Variants in CSMD1 observed in about 807,000 individuals in gnomAD.
The protein encoded by CSMD1 is CUB and sushi domain-containing protein 1.
In CSMD1, 213 loss-of-function variants were observed where a neutral mutation model predicts 417.5. The observed-to-expected ratio is 0.51, with a 90% CI of 0.46 to 0.57. The LOEUF is 0.57. Among genes scored for constraint, CSMD1 ranks in the 20% least tolerant of loss-of-function variants. CSMD1 has a pLI of 0.00. For synonymous variants in CSMD1, 2,862 were observed against 1,736.8 expected (o/e 1.65, Z -16.11); for missense variants, 6,923 against 4,529.7 (o/e 1.53, Z -15.17).
chr8:3,247,752 A>G (rs1204362345), intron 26 of CSMD1, among the ~76,000 whole-genome samples: 2 of 152,194 alleles, frequency 1.3e-5, no homozygotes, highest in African/African-American at 4.8e-5. Context: ...ATGTTACACT[A>G]AAAAAACAAA....
At chr8:3,328,430 A>G (rs1484244657) in intron 23 of CSMD1, among the ~76,000 whole-genome samples, 2 of 152,192 alleles carry the variant, frequency 1.3e-5, no homozygotes, top group Admixed American at 6.5e-5. Context: ...TGGGCACCCA[A>G]TGCTAAATAT....
intron 11 of CSMD1, among the ~76,000 whole-genome samples, chr8:3,475,581 A>G (rs1471095430): frequency 6.6e-6 from 1 of 152,202 alleles, no homozygotes; most frequent in Non-Finnish European, 1.5e-5. Context: ...CATCTATGAA[A>G]CAAGAGAATT....
intron 3 of CSMD1, among the ~76,000 whole-genome samples, chr8:4,090,669 C>T (rs765713217): frequency 1.3e-5 from 2 of 152,174 alleles, no homozygotes; most frequent in Non-Finnish European, 2.9e-5. Context: ...AAAGAAAGCA[C>T]ATCAATTTCC....
intron 12 of CSMD1, among the ~76,000 whole-genome samples, chr8:3,434,963 G>T (rs530790962): frequency 6.6e-6 from 1 of 152,238 alleles, no homozygotes; most frequent in Non-Finnish European, 1.5e-5. Flanking sequence ...GTTCACAGTG[G>T]ATCCATTTAT....
intron 49 of CSMD1, among the ~76,000 whole-genome samples, chr8:3,080,641 G>A (rs1301084713): frequency 6.6e-6 from 1 of 152,152 alleles, no homozygotes; most frequent in African/African-American, 2.4e-5. Flanking sequence ...CCCACAATTC[G>A]GGATGGGTTT....
chr8:4,129,386 C>T (rs147216017), intron 3 of CSMD1, among the ~76,000 whole-genome samples: 4 of 152,098 alleles, frequency 2.6e-5, no homozygotes, highest in Admixed American at 2.6e-4. Flanking sequence ...ACCTCCACCC[C>T]CAACACACCA....
At chr8:4,876,263 T>C (rs370049193) in intron 1 of CSMD1, among the ~76,000 whole-genome samples, 5 of 152,184 alleles carry the variant, frequency 3.3e-5, no homozygotes, top group Admixed American at 2.6e-4. Context: ...TTACCCTCCA[T>C]GACAATTCAT....
intron 2 of CSMD1, among the ~76,000 whole-genome samples, chr8:4,505,770 T>A (rs1802490996): frequency 6.6e-6 from 1 of 152,110 alleles, no homozygotes; most frequent in Non-Finnish European, 1.5e-5. Flanking sequence ...TAAGTTTTGT[T>A]CTTACCAACA....
At chr8:4,844,002 A>G (rs1396815833) in intron 1 of CSMD1, among the ~76,000 whole-genome samples, 2 of 152,188 alleles carry the variant, frequency 1.3e-5, no homozygotes, top group Non-Finnish European at 2.9e-5. Context: ...ATTGTGAGAC[A>G]TTTGAGAAGG....
intron 6 of CSMD1, among the ~76,000 whole-genome samples, chr8:3,749,477 G>A (rs1797218834): frequency 6.6e-6 from 1 of 152,166 alleles, no homozygotes; most frequent in Non-Finnish European, 1.5e-5. Context: ...AGTCAAAGAA[G>A]AAAGTGTAAG....
intron 7 of CSMD1, among the ~76,000 whole-genome samples, chr8:3,662,742 G>C (rs1444614049): frequency 6.6e-6 from 1 of 152,036 alleles, no homozygotes; most frequent in Non-Finnish European, 1.5e-5. Context: ...CACAGGAACA[G>C]AAAACCAAAC....
intron 2 of CSMD1, among the ~76,000 whole-genome samples, chr8:4,552,645 T>A (rs1345475016): frequency 1.3e-5 from 2 of 152,148 alleles, no homozygotes; most frequent in African/African-American, 4.8e-5. Flanking sequence ...GAAAGCTGTT[T>A]TCTGAGGTAC....
intron 26 of CSMD1, among the ~76,000 whole-genome samples, chr8:3,233,339 C>T (rs80303885): frequency 0.072 from 10,892 of 152,256 alleles, 618 homozygotes; most frequent in South Asian, 0.22. Flanking sequence ...CTCAGCCCCT[C>T]GCCAGGCGAT....
chr8:3,848,462 G>C (rs1563141808), intron 5 of CSMD1, among the ~76,000 whole-genome samples: 2 of 151,930 alleles, frequency 1.3e-5, no homozygotes, highest in Admixed American at 1.3e-4. Context: ...AGTTCTCTGA[G>C]TACTTAATTC....
intron 10 of CSMD1, among the ~76,000 whole-genome samples, chr8:3,567,457 A>G (rs923457344): frequency 2.0e-5 from 3 of 151,386 alleles, no homozygotes; most frequent in Non-Finnish European, 4.4e-5. Flanking sequence ...AATATAAATG[A>G]AGACATAAAA....
chr8:3,219,828 A>C (rs1249024490), intron 28 of CSMD1, among the ~76,000 whole-genome samples: 1 of 152,178 alleles, frequency 6.6e-6, no homozygotes, highest in Non-Finnish European at 1.5e-5. Flanking sequence ...TCTTTATCTG[A>C]ATATTTTTAG....
chr8:3,996,565 C>T (rs1042585458), intron 5 of CSMD1, among the ~76,000 whole-genome samples: 17 of 152,176 alleles, frequency 1.1e-4, no homozygotes, highest in Admixed American at 9.8e-4. Flanking sequence ...GCTTTTGCTT[C>T]CATGAACTCT....
chr8:4,529,832 G>T (rs973484968), intron 2 of CSMD1, among the ~76,000 whole-genome samples: 1 of 149,820 alleles, frequency 6.7e-6, no homozygotes, highest in Non-Finnish European at 1.5e-5. Context: ...CAAAATTCGT[G>T]CATAGGTTAC....
chr8:4,819,680 T>A (rs1008948000), intron 1 of CSMD1, among the ~76,000 whole-genome samples: 27 of 152,284 alleles, frequency 1.8e-4, no homozygotes, highest in African/African-American at 6.5e-4. Context: ...CAGTCTTTTG[T>A]AAATTCTGTC....
Sources: allele counts gnomAD v4.1 joint callset (sites outside exome capture counted in the v4.1 genomes callset), GRCh38; gene constraint gnomAD v4.1.1; transcripts MANE v1.5; gene names NCBI Gene and HGNC (gene_info 2026-07-23, HGNC 2026-07-21).